The following ATP2B3 variants were observed in gnomAD, a reference collection of about 807,000 sequenced individuals.
ATP2B3 encodes plasma membrane calcium-transporting ATPase 3.
ATP2B3 carries 12 observed loss-of-function variants against 70.8 expected under a neutral mutation model. The ratio of observed to expected loss-of-function variants is 0.17; its 90% CI spans 0.11 to 0.27. ATP2B3 has a LOEUF of 0.27. Among genes scored for constraint, ATP2B3 ranks in the 10% least tolerant of loss-of-function variants. ATP2B3 has a pLI of 1.00. For synonymous variants in ATP2B3, 460 were observed against 497.8 expected, an observed-to-expected ratio of 0.92 and a Z score of 1.01; for missense variants, 858 against 1,118.5, an observed-to-expected ratio of 0.77 and a Z score of 3.32.
chrX:153,553,801 A>G (rs1395621391), intron 13 of ATP2B3, among the ~76,000 whole-genome samples: 1 of 113,315 alleles, frequency 8.8e-6, no homozygotes, highest in Non-Finnish European at 1.9e-5. Flanking sequence ...CATGGCCTTG[A>G]CACTGGGAAG....
At chrX:153,522,287 G>A (rs1427612981) in intron 2 of ATP2B3, among the ~76,000 whole-genome samples, 2 of 112,604 alleles carry the variant, frequency 1.8e-5, no homozygotes, top group Non-Finnish European at 3.8e-5. Flanking sequence ...ACGACGGAAA[G>A]CAAAAAGCAA....
intron 2 of ATP2B3, among the ~76,000 whole-genome samples, chrX:153,521,016 G>A (rs1354054304): frequency 1.8e-5 from 2 of 113,041 alleles, no homozygotes; most frequent in African/African-American, 6.4e-5. Flanking sequence ...GCCCCTTCAG[G>A]GCACCCGGAA....
At chrX:153,534,829 C>T (rs2090167146) in intron 2 of ATP2B3, among the ~76,000 whole-genome samples, 1 of 113,181 alleles carries the variant, frequency 8.8e-6, no homozygotes, top group Non-Finnish European at 1.9e-5. Flanking sequence ...ATGGATGTTT[C>T]GTGAAGTATC....
At chrX:153,542,255 C>T (rs1557006931) in intron 5 of ATP2B3, 68 bp from the exon 6 acceptor site, 21 of 1,189,029 alleles carry the variant, frequency 1.8e-5, no homozygotes, top group African/African-American at 7.0e-5. Flanking sequence ...TGGCACCTGA[C>T]GGGACCTCCC....
Position 153,556,212 on chromosome X carries a change from G to A in ATP2B3, c.2222G>A (p.Arg741His), listed in dbSNP as rs782648942. 1.6e-5 allele frequency: 19 copies of A among 1,207,967 alleles called. No homozygotes were observed. Among genetic ancestry groups the A allele is most frequent in the South Asian group, 7.1e-5 (4 of 56,485 alleles). Reference sequence around the variant, plus strand: ...GGGAAGGAGTTCAACCGGCGGATCCGCAATGAGAAAGGCGAGGTAGCACCC... The same window carrying A: ...GGGAAGGAGTTCAACCGGCGGATCCACAATGAGAAAGGCGAGGTAGCACCC... ...LEGKEFNRRI[R>H]NEKGEIEQER... Residue 741 changes from arginine (R) to histidine (H), a missense_variant, in exon 14 of 22, where the codon CGC becomes CAC. Transcript: ENST00000263519.
intron 2 of ATP2B3, among the ~76,000 whole-genome samples, chrX:153,525,665 C>T (rs2090021101): frequency 8.9e-6 from 1 of 112,376 alleles, no homozygotes; most frequent in East Asian, 2.8e-4. Flanking sequence ...GGGTACCTTC[C>T]TGTAGTCAGA....
At chrX:153,556,888 G>C (rs1557013891) in intron 15 of ATP2B3, 29 bp from the exon 16 acceptor site, 2 of 1,157,304 alleles carry the variant, frequency 1.7e-6, no homozygotes, top group Non-Finnish European at 1.2e-6. Context: ...GATGGCCCCA[G>C]CCCTGCCCTG....
intron 12 of ATP2B3, among the ~76,000 whole-genome samples, chrX:153,552,788 G>T (rs1180058969): frequency 8.9e-6 from 1 of 112,538 alleles, no homozygotes; most frequent in Non-Finnish European, 1.9e-5. Context: ...CAGAGAGGAT[G>T]CATCCTGCAT....
intron 21 of ATP2B3, 109 bp downstream of exon 21, chrX:153,565,212 A>T: frequency 2.1e-6 from 2 of 968,300 alleles, no homozygotes; most frequent in Non-Finnish European, 1.4e-6. Flanking sequence ...CCACAGGGAA[A>T]CCCTTTGGTC....
chrX:153,558,830 T>C (rs1250722612), intron 17 of ATP2B3, among the ~76,000 whole-genome samples: 1 of 111,789 alleles, frequency 8.9e-6, no homozygotes, highest in East Asian at 2.8e-4. Context: ...GATGGACACA[T>C]GGCTCGTTCC....
chrX:153,580,391 C>T lies in ATP2B3; in HGVS notation c.*93C>T. On this transcript the variant is annotated 3_prime_UTR_variant, in exon 22 of 22. Transcript: ENST00000263519. ...ACGCACACACACATATGGGGACCTG[C>T]ACACCTGCAAAACGAGGGAACAACT... The T allele has an allele frequency of 2.2e-6, 2 of 904,759 alleles. No homozygotes were observed. The highest frequency in any genetic ancestry group is 1.5e-6 in the Non-Finnish European group (1 of 657,711). The allele number at this position is 904,759 out of a possible 1,213,427, so 74.6% of individuals were successfully genotyped here.
chrX:153,525,838 G>C (rs1263112590), intron 2 of ATP2B3, among the ~76,000 whole-genome samples: 4 of 113,167 alleles, frequency 3.5e-5, no homozygotes, highest in Non-Finnish European at 7.5e-5. Context: ...CCTCTGTCCT[G>C]GGGAGTGGAG....
At chrX:153,519,032 C>T (rs1189919689) in intron 2 of ATP2B3, among the ~76,000 whole-genome samples, 1 of 111,727 alleles carries the variant, frequency 9.0e-6, no homozygotes, top group African/African-American at 3.3e-5. Context: ...ACCTCCTCCC[C>T]TCCTTTGCCC....
intron 3 of ATP2B3, among the ~76,000 whole-genome samples, chrX:153,536,724 G>A (rs1276353633): frequency 2.7e-5 from 3 of 112,412 alleles, no homozygotes; most frequent in African/African-American, 9.7e-5. Flanking sequence ...CAGGCGGAAT[G>A]GGCCCCAAAC....
chrX:153,553,780 G>A (rs140071107), intron 13 of ATP2B3, among the ~76,000 whole-genome samples: 1,142 of 113,401 alleles, frequency 0.01, 18 homozygotes, highest in African/African-American at 0.034. Flanking sequence ...CGAGGGCCGC[G>A]TGGCAGATGC....
In ATP2B3 at chrX:153,548,057, G is replaced by C. The variant is rs112418235; in HGVS notation, c.1123+58G>C. 2,900 of 1,147,915 alleles carry C rather than the reference G, an allele frequency of 2.5e-3. 58 individuals are homozygous for C. The African/African-American group carries it at 0.045, about 18-fold the overall frequency. 94.6% of individuals were successfully genotyped at this position (1,147,915 alleles called of 1,213,427 possible). A position where few individuals can be genotyped will look rare whatever the true frequency, so the allele number is the denominator to read the frequency against. ...ATTGACTGGGCGTGGAGGATGCTGGGCTCCTGGAGATGAGCCCAGGCTGTG... is the reference window on the plus strand; with the variant it reads ...ATTGACTGGGCGTGGAGGATGCTGGCCTCCTGGAGATGAGCCCAGGCTGTG... On this transcript the variant is annotated intron_variant, in intron 9 of 21. Coordinates refer to ENST00000263519, the MANE Select transcript of ATP2B3 (RefSeq NM_001001344.3).
chrX:153,536,568 C>T (rs912248707), intron 3 of ATP2B3, 113 bp downstream of exon 3: 1 of 835,300 alleles, frequency 1.2e-6, no homozygotes, highest in Non-Finnish European at 1.7e-6. Flanking sequence ...ACCTGTGCCC[C>T]TCCTCTCAGC....
At position 153,580,152 on chromosome X, in the gene ATP2B3, G is replaced by A. The variant is rs1569536335; in HGVS notation, c.3517G>A (p.Ala1173Thr). ...DVDENEERLR[A>T]PPPPSPNQNN... ...GGACGAGAACGAGGAGCGCCTCCGG[G>A]CCCCCCCGCCCCCGTCCCCCAACCA... The change falls in exon 22 of 22, where the codon GCC becomes ACC. Residue 1173 changes from alanine to threonine, a missense_variant. This residue lies in a region of ATP2B3 where 265 missense variants were observed against 305.3 expected (regional missense o/e 0.87). Transcript: ENST00000263519. 3 of 1,207,721 alleles carry A rather than the reference G, an allele frequency of 2.5e-6. No individual in the cohort carries two copies. Among genetic ancestry groups the A allele is most frequent in the Admixed American group, 2.2e-5 (1 of 45,856 alleles).
chrX:153,536,440 A>T lies in ATP2B3; in HGVS notation c.193A>T (p.Thr65Ser), dbSNP rs1057522698. The change falls in exon 3 of 22, where the codon ACC becomes TCC. Residue 65 changes from threonine (T) to serine (S), a missense_variant. Physicochemically the swap from Thr to Ser is moderately conservative, Grantham distance 58. Transcript: ENST00000263519. The part of the protein sequence containing the change: ...DVSGLCRRLK[T>S]SPTEGLADNT... ...CAGCGGGCTCTGCCGGAGGCTGAAG[A>T]CCTCACCCACAGAGGGTAAGTCCCT... is the stretch of plus-strand genomic sequence containing the variant. The T allele has an allele frequency of 8.4e-7, 1 of 1,196,266 alleles. No homozygotes were observed. The highest frequency in any genetic ancestry group is 1.1e-6 in the Non-Finnish European group (1 of 889,227).
Sources: allele counts gnomAD v4.1 joint callset (sites outside exome capture counted in the v4.1 genomes callset), GRCh38; gene constraint gnomAD v4.1.1; regional missense constraint gnomAD v4.1.1; transcripts MANE v1.5; gene names NCBI Gene and HGNC (gene_info 2026-07-23, HGNC 2026-07-21).